MICU2: variants seen among roughly 807,000 people sequenced by gnomAD.
The protein encoded by MICU2 is mitochondrial calcium uptake 2.
In MICU2, 64 loss-of-function variants were observed where a neutral mutation model predicts 60.4. The observed-to-expected ratio is 1.06, with a 90% CI of 0.87 to 1.31. The LOEUF is 1.31. MICU2 is among the 50% of genes most tolerant of loss of function. MICU2 has a pLI of 0.00. For missense variants in MICU2, 569 were observed against 531.0 expected (o/e 1.07, Z -0.70); for synonymous variants, 201 against 175.0 (o/e 1.15, Z -1.17).
At chr13:21,551,284 T>G (rs982461233) in intron 2 of MICU2, 2 of 152,496 alleles carry the variant, frequency 1.3e-5, no homozygotes, top group Middle Eastern at 3.4e-3. Context: ...CAGACTTATA[T>G]ATTTTTTATA....
chr13:21,558,760 G>T (rs1887768123), intron 2 of MICU2, among the ~76,000 whole-genome samples: 1 of 152,024 alleles, frequency 6.6e-6, no homozygotes, highest in South Asian at 2.1e-4. Context: ...GAGCAATCAG[G>T]GTCCCAGTAT....
At chr13:21,587,528 T>C (rs1354326764) in intron 1 of MICU2, among the ~76,000 whole-genome samples, 2 of 152,118 alleles carry the variant, frequency 1.3e-5, no homozygotes, top group Non-Finnish European at 2.9e-5. Context: ...CAAACCTAAA[T>C]TAAGGAAGAT....
chr13:21,571,045 G>A (rs1888096093), intron 1 of MICU2, among the ~76,000 whole-genome samples: 2 of 151,838 alleles, frequency 1.3e-5, no homozygotes, highest in Admixed American at 6.6e-5. Flanking sequence ...CTGGTAACGT[G>A]TGCGTGCTCT....
At chr13:21,570,395 T>C (rs1257393689) in intron 1 of MICU2, among the ~76,000 whole-genome samples, 1 of 152,220 alleles carries the variant, frequency 6.6e-6, no homozygotes, top group Non-Finnish European at 1.5e-5. Context: ...AATTTGCCAA[T>C]GCCATTTTTA....
At chr13:21,571,201 C>T (rs959190638) in intron 1 of MICU2, among the ~76,000 whole-genome samples, 4 of 151,884 alleles carry the variant, frequency 2.6e-5, no homozygotes, top group East Asian at 3.9e-4. Flanking sequence ...GTGGCATATT[C>T]GTGGTAGGTT....
chr13:21,552,167 C>T (rs1887585606), intron 2 of MICU2, among the ~76,000 whole-genome samples: 1 of 152,172 alleles, frequency 6.6e-6, no homozygotes. Context: ...TTTTCATTTG[C>T]ATTTCTCTGA....
intron 1 of MICU2, among the ~76,000 whole-genome samples, chr13:21,578,344 T>TG (rs1323022010): frequency 6.6e-6 from 1 of 151,964 alleles, no homozygotes; most frequent in East Asian, 1.9e-4. Context: ...CCCAGCACTT[T>TG]GGGAGGCTGA....
intron 1 of MICU2, among the ~76,000 whole-genome samples, chr13:21,597,314 T>C (rs1159938606): frequency 6.6e-6 from 1 of 152,058 alleles, no homozygotes. Flanking sequence ...CTTATTTACT[T>C]ATGTTTTCTA....
chr13:21,597,065 A>C (rs1888710009), intron 1 of MICU2, among the ~76,000 whole-genome samples: 1 of 152,234 alleles, frequency 6.6e-6, no homozygotes, highest in South Asian at 2.1e-4. Context: ...AGCAAAGGAC[A>C]AAATCTTGCT....
intron 4 of MICU2, among the ~76,000 whole-genome samples, chr13:21,526,795 T>G (rs1342909049): frequency 1.6e-5 from 2 of 127,464 alleles, no homozygotes; most frequent in African/African-American, 6.3e-5. Context: ...AATGCTCATG[T>G]GGAAGCAGCA....
chr13:21,549,698 G>T (rs1413381684), intron 2 of MICU2, among the ~76,000 whole-genome samples: 1 of 152,142 alleles, frequency 6.6e-6, no homozygotes, highest in African/African-American at 2.4e-5. Context: ...ACCAGCATAG[G>T]GCAAAATTCC....
intron 7 of MICU2, among the ~76,000 whole-genome samples, chr13:21,511,543 A>G (rs778510114): frequency 6.6e-6 from 1 of 152,204 alleles, no homozygotes; most frequent in Admixed American, 6.5e-5. Flanking sequence ...ATACAAAAAG[A>G]TCCTCTCTGC....
intron 4 of MICU2, chr13:21,530,828 C>G: frequency 1.4e-6 from 1 of 732,682 alleles, no homozygotes; most frequent in Non-Finnish European, 2.4e-6. Flanking sequence ...AGCCGTGGTG[C>G]CCCCATGGAC....
rs76809146 is a variant in MICU2, at chr13:21,542,375, C to T, written c.359-2687G>A. Among the ~76,000 whole-genome samples the T allele has an allele frequency of 1.3e-3, 201 of 152,262 alleles. 6 individuals carry two copies. In the East Asian group the frequency reaches 0.033, roughly 25 times the overall value. ...AATATTTTTCTATTTAAGGATAAAACCCATCTGGCAAATAATCTAATTTTT... is the reference window on the plus strand; with the variant it reads ...AATATTTTTCTATTTAAGGATAAAATCCATCTGGCAAATAATCTAATTTTT... On this transcript the variant is annotated intron_variant, in intron 2 of 11. Coordinates refer to ENST00000382374, the MANE Select transcript of MICU2 (RefSeq NM_152726.3).
rs779157867 is a variant in MICU2, at chr13:21,604,027, C to G, written c.122G>C (p.Gly41Ala). The G allele has an allele frequency of 6.2e-7, 1 of 1,608,006 alleles. No homozygotes were observed. Among genetic ancestry groups the G allele is most frequent in the South Asian group, 1.1e-5 (1 of 90,758 alleles). The change falls in exon 1 of 12, where the codon GGC becomes GCC. Residue 41 changes from glycine (G) to alanine (A), a missense_variant. Physicochemically the swap from Gly to Ala is moderately conservative, Grantham distance 60 (BLOSUM62 0). Transcript: ENST00000382374. ...CGCTCCTGCTCCTGCCAGGGCCGCGCCGGCCACTGCCGCTGCCAAGGGGCC... is the reference window on the plus strand; with the variant it reads ...CGCTCCTGCTCCTGCCAGGGCCGCGGCGGCCACTGCCGCTGCCAAGGGGCC... ...SPGPLAAAVA[G>A]AALAGAGAAW...
intron 2 of MICU2, among the ~76,000 whole-genome samples, chr13:21,542,747 G>C (rs923466459): frequency 1.3e-5 from 2 of 152,120 alleles, no homozygotes; most frequent in Admixed American, 6.5e-5. Context: ...CCATATTAGA[G>C]ATTCCACCAT....
At chr13:21,507,126 A>T (rs550524101) in intron 8 of MICU2, among the ~76,000 whole-genome samples, 154 of 152,308 alleles carry the variant, frequency 1.0e-3, no homozygotes, top group Non-Finnish European at 2.0e-3. Context: ...CTCTTGAAAA[A>T]TTTCATTTTT....
At chr13:21,567,608 A>C (rs1183285328) in intron 1 of MICU2, among the ~76,000 whole-genome samples, 1 of 152,198 alleles carries the variant, frequency 6.6e-6, no homozygotes. Context: ...GATGGGTAAA[A>C]TATTGCAGAA....
At chr13:21,602,712 A>G (rs1051990813) in intron 1 of MICU2, 6 of 152,186 alleles carry the variant, frequency 3.9e-5, no homozygotes, top group South Asian at 2.1e-4. Flanking sequence ...CAAATAAGGA[A>G]TATCAGTTGC....
Sources: allele counts gnomAD v4.1 joint callset (sites outside exome capture counted in the v4.1 genomes callset), GRCh38; gene constraint gnomAD v4.1.1; transcripts MANE v1.5; gene names NCBI Gene and HGNC (gene_info 2026-07-23, HGNC 2026-07-21).